SGSM1: variants seen among roughly 807,000 people sequenced by gnomAD.
SGSM1 encodes the protein small G protein signaling modulator 1, also known as RUN and TBC1 domain containing 2.
Under a neutral mutation model 133.8 loss-of-function variants are expected in SGSM1, and 73 were observed. The ratio of observed to expected loss-of-function variants is 0.55; its 90% CI spans 0.45 to 0.66. The LOEUF is 0.66. Among genes scored for constraint, SGSM1 ranks in the 30% least tolerant of loss-of-function variants. The pLI is 0.00. For synonymous variants in SGSM1, 563 were observed against 573.0 expected (o/e 0.98, Z 0.25); for missense variants, 1,213 against 1,448.1 (o/e 0.84, Z 2.64).
intron 2 of SGSM1, among the ~76,000 whole-genome samples, chr22:24,822,504 T>C (rs758819921): frequency 3.3e-4 from 51 of 152,248 alleles, no homozygotes; most frequent in Non-Finnish European, 8.8e-5. Flanking sequence ...TCTTTTCAGA[T>C]TGGCTTCTTT....
Position 24,855,568 on chromosome 22 carries a change from G to A in SGSM1, c.689G>A (p.Ser230Asn). 6.2e-7 allele frequency: 1 copy of A among 1,613,876 alleles called. No homozygotes were observed. ...PALCIQKRHSSGSMDDRPSLS... is the reference protein window; with the variant it reads ...PALCIQKRHSNGSMDDRPSLS... ...TACCAGATCCAGAAGAGGCATTCCA[G>A]TGGCAGCATGGATGACCGGCCATCC... is the stretch of plus-strand genomic sequence containing the variant. The change falls in exon 8 of 25, where the codon AGT becomes AAT. Residue 230 changes from serine (S) to asparagine (N), a missense_variant. Physicochemically the swap from Ser to Asn is conservative, Grantham distance 46. Coordinates refer to ENST00000400358, the MANE Select transcript of SGSM1 (RefSeq NM_001098497.3).
At chr22:24,917,993 T>G (rs1328837996) in intron 23 of SGSM1, among the ~76,000 whole-genome samples, 1 of 152,150 alleles carries the variant, frequency 6.6e-6, no homozygotes, top group African/African-American at 2.4e-5. Flanking sequence ...AAGGGTTAAG[T>G]TCAGAGCTAG....
chr22:24,810,331 G>A (rs1234556042), intron 2 of SGSM1, among the ~76,000 whole-genome samples: 2 of 151,902 alleles, frequency 1.3e-5, no homozygotes, highest in Non-Finnish European at 2.9e-5. Context: ...GCTCCTCCAG[G>A]GCAAGCATCC....
intron 9 of SGSM1, among the ~76,000 whole-genome samples, chr22:24,860,923 AT>A (rs1262605627): frequency 0.013 from 791 of 62,408 alleles, 8 homozygotes; most frequent in Middle Eastern, 0.03. Flanking sequence ...AAAAAAAAAA[AT>A]ATATATATAT....
Position 24,905,092 on chromosome 22 carries a change from G to A in SGSM1, c.2736-13G>A. The A allele has an allele frequency of 2.5e-6, 4 of 1,613,730 alleles. No homozygotes were observed. Among genetic ancestry groups the A allele is most frequent in the Non-Finnish European group, 3.4e-6 (4 of 1,179,664 alleles). ...CCACGGCTGCCATCATTGGCCCCTT[G>A]TGTCTCTTCTAGCTACATCTGGCAG... On this transcript the variant is annotated splice_polypyrimidine_tract_variant and intron_variant, in intron 20 of 24. Transcript: ENST00000400358.
intron 22 of SGSM1, among the ~76,000 whole-genome samples, chr22:24,913,151 G>T (rs761143795): frequency 3.2e-4 from 48 of 151,862 alleles, no homozygotes; most frequent in Non-Finnish European, 6.6e-4. Flanking sequence ...AAATTAGCAG[G>T]GCATGGAGGC....
At chr22:24,888,625 A>G (rs1257500470) in intron 16 of SGSM1, among the ~76,000 whole-genome samples, 1 of 152,088 alleles carries the variant, frequency 6.6e-6, no homozygotes, top group Non-Finnish European at 1.5e-5. Context: ...AAACAAAAAC[A>G]AAAATCAGCT....
At position 24,835,282 on chromosome 22, in the gene SGSM1, C is replaced by G. The variant is rs907450943; in HGVS notation, c.64-9615C>G. 2.6e-5 allele frequency among the ~76,000 whole-genome samples: 4 copies of G among 152,132 alleles called. No individual in the cohort carries two copies. In the South Asian group the frequency reaches 6.2e-4, roughly 24 times the overall value. ...TGATTGTTGAGCACACACCGTGTAC[C>G]AAGCCCTATGCTAAATGCTTTACCT... On this transcript the variant is annotated intron_variant, in intron 2 of 24. Coordinates refer to ENST00000400358, the MANE Select transcript of SGSM1 (RefSeq NM_001098497.3).
chr22:24,859,079 C>T (rs985285215), intron 8 of SGSM1, among the ~76,000 whole-genome samples: 8 of 152,120 alleles, frequency 5.3e-5, no homozygotes, highest in African/African-American at 1.9e-4. Context: ...CAAGACAGTG[C>T]GTGTGAAGGC....
intron 22 of SGSM1, among the ~76,000 whole-genome samples, chr22:24,917,167 C>G (rs763289902): frequency 2.4e-4 from 37 of 151,768 alleles, no homozygotes; most frequent in Non-Finnish European, 4.6e-4. Flanking sequence ...TGCTGAGCCA[C>G]CACACCTGAC....
At chr22:24,883,983 G>A in intron 14 of SGSM1, 70 bp from the exon 15 acceptor site, 1 of 1,465,182 alleles carries the variant, frequency 6.8e-7, no homozygotes, top group South Asian at 1.4e-5. Flanking sequence ...CAGAACTTGG[G>A]AAGTCCCATG....
intron 20 of SGSM1, 147 bp downstream of exon 20, chr22:24,902,104 TAAC>T (rs902313651): frequency 2.1e-5 from 18 of 842,674 alleles, no homozygotes; most frequent in Admixed American, 5.0e-5. Context: ...AGTGAAAATT[TAAC>T]AACAATAATA....
rs768210401 is a variant in SGSM1 at position 24,856,179 on chromosome 22, T to C, written c.801+499T>C. 4.6e-4 allele frequency: 158 copies of C among 341,074 alleles called. 2 individuals carry two copies. Among genetic ancestry groups the C allele is most frequent in the Non-Finnish European group, 1.3e-4 (22 of 172,240 alleles). 21.1% of individuals were successfully genotyped at this position (341,074 alleles called of 1,614,324 possible). A position where few individuals can be genotyped will look rare whatever the true frequency, so the allele number is the denominator to read the frequency against. On this transcript the variant is annotated intron_variant, in intron 8 of 24. Coordinates refer to ENST00000400358, the MANE Select transcript of SGSM1 (RefSeq NM_001098497.3). ...TCAGCAAACATTTCCATGGACCTGC[T>C]ATGTGCTAGGTGCATATGGTAGCAA...
At chr22:24,887,424 A>G (rs1357916566) in intron 16 of SGSM1, among the ~76,000 whole-genome samples, 3 of 152,198 alleles carry the variant, frequency 2.0e-5, no homozygotes, top group African/African-American at 7.2e-5. Context: ...TGTTGAGAGT[A>G]TCAAGAGTTG....
At chr22:24,915,468 AC>A (rs1458027636) in intron 22 of SGSM1, among the ~76,000 whole-genome samples, 2 of 152,216 alleles carry the variant, frequency 1.3e-5, no homozygotes, top group Non-Finnish European at 2.9e-5. Context: ...CACCATCCTC[AC>A]TTGATATTGT....
chr22:24,824,046 G>T (rs1928651651), intron 2 of SGSM1, among the ~76,000 whole-genome samples: 1 of 152,222 alleles, frequency 6.6e-6, no homozygotes, highest in Admixed American at 6.5e-5. Context: ...GCTGGGATTG[G>T]GATTCTGGGA....
chr22:24,847,851 C>A (rs1353315232), intron 4 of SGSM1, 55 bp downstream of exon 4: 1 of 1,584,642 alleles, frequency 6.3e-7, no homozygotes, highest in African/African-American at 1.3e-5. Flanking sequence ...AGTCCACAGT[C>A]CTCCCTGGGT....
chr22:24,844,884 C>A lies in SGSM1; in HGVS notation c.64-13C>A. 1 of 1,613,424 alleles carries A rather than the reference C, an allele frequency of 6.2e-7. No homozygotes were observed. The highest frequency in any genetic ancestry group is 8.5e-7 in the Non-Finnish European group (1 of 1,179,790). On this transcript the variant is annotated splice_polypyrimidine_tract_variant and intron_variant, in intron 2 of 24. Transcript: ENST00000400358. ...CTTGGACCTCTTCCCCTCCGGTCAC[C>A]TTTGCCTTCCAGGTGAAGCAGATCA...
chr22:24,845,936 T>TTTTCTTTTC (rs1179720225), intron 3 of SGSM1, among the ~76,000 whole-genome samples: 7 of 142,632 alleles, frequency 4.9e-5, no homozygotes, highest in African/African-American at 1.9e-4. Flanking sequence ...CTTTCTTTTC[T>TTTTCTTTTC]TTTCTTTTCT....
Sources: allele counts gnomAD v4.1 joint callset (sites outside exome capture counted in the v4.1 genomes callset), GRCh38; gene constraint gnomAD v4.1.1; transcripts MANE v1.5; gene names NCBI Gene and HGNC (gene_info 2026-07-23, HGNC 2026-07-21).